Variants in PRKD1 observed in about 807,000 individuals in gnomAD.
PRKD1 encodes protein kinase D1, also known as serine/threonine-protein kinase D1.
Under a neutral mutation model 95.9 loss-of-function variants are expected in PRKD1, and 63 were observed. The ratio of observed to expected loss-of-function variants is 0.66; its 90% CI spans 0.54 to 0.81. PRKD1 has a LOEUF of 0.81. PRKD1 is among the 30% of genes least tolerant of loss of function. The pLI, the probability that PRKD1 is intolerant of heterozygous loss-of-function variation, is 0.00. For synonymous variants in PRKD1, 425 were observed against 423.1 expected (o/e 1.00, Z -0.05); for missense variants, 1,048 against 1,165.3 (o/e 0.90, Z 1.47).
chr14:29,870,607 C>G (rs1893069532), intron 1 of PRKD1, among the ~76,000 whole-genome samples: 1 of 152,140 alleles, frequency 6.6e-6, no homozygotes, highest in African/African-American at 2.4e-5. Context: ...TGTAAAAATT[C>G]CTTTCATTTG....
intron 1 of PRKD1, among the ~76,000 whole-genome samples, chr14:29,815,878 G>C (rs1890665372): frequency 6.6e-6 from 1 of 152,044 alleles, no homozygotes; most frequent in Non-Finnish European, 1.5e-5. Flanking sequence ...AGACATTCTT[G>C]CTACCTTCAA....
intron 2 of PRKD1, among the ~76,000 whole-genome samples, chr14:29,691,835 T>C (rs1884253848): frequency 6.6e-6 from 1 of 152,120 alleles, no homozygotes; most frequent in Non-Finnish European, 1.5e-5. Context: ...CTGCTATTTG[T>C]CGTCACCATA....
chr14:29,580,889 T>C (rs1333667585), intron 16 of PRKD1, among the ~76,000 whole-genome samples: 1 of 152,060 alleles, frequency 6.6e-6, no homozygotes, highest in East Asian at 1.9e-4. Context: ...CAATTACTTA[T>C]GAAATAAAAA....
chr14:29,638,942 G>C (rs1880571489), intron 4 of PRKD1, 38 bp from the exon 5 acceptor site: 1 of 1,491,288 alleles, frequency 6.7e-7, no homozygotes, highest in African/African-American at 1.4e-5. Flanking sequence ...CAAGATGTAA[G>C]AGGCTATTTG....
intron 1 of PRKD1, among the ~76,000 whole-genome samples, chr14:29,850,875 C>T (rs1892281655): frequency 6.9e-6 from 1 of 144,366 alleles, no homozygotes; most frequent in Admixed American, 6.9e-5. Context: ...AGTACTGGCA[C>T]AAAAACAGAC....
At chr14:29,738,033 A>G (rs2139427322) in intron 1 of PRKD1, among the ~76,000 whole-genome samples, 1 of 152,356 alleles carries the variant, frequency 6.6e-6, no homozygotes, top group East Asian at 1.9e-4. Flanking sequence ...AAGCCCACCA[A>G]TAGCATTAAC....
intron 2 of PRKD1, among the ~76,000 whole-genome samples, chr14:29,713,980 C>T (rs1325321087): frequency 6.6e-6 from 1 of 152,044 alleles, no homozygotes; most frequent in African/African-American, 2.4e-5. Context: ...CTATGTAACA[C>T]ACAATTAAAT....
chr14:29,927,542 G>C lies in PRKD1; in HGVS notation c.-30C>G. On this transcript the variant is annotated 5_prime_UTR_variant, in exon 1 of 18. Transcript: ENST00000331968. ...CGGCGGGGCGCAGGGCCGGGCAGCG[G>C]AGGGCGGGGGCTGGCGGCGCGGCAG... 1 of 1,147,186 alleles carries C rather than the reference G, an allele frequency of 8.7e-7. No individual in the cohort carries two copies. Among genetic ancestry groups the C allele is most frequent in the Non-Finnish European group, 1.1e-6 (1 of 934,300 alleles). 71.1% of individuals were successfully genotyped at this position (1,147,186 alleles called of 1,614,324 possible). A position where few individuals can be genotyped will look rare whatever the true frequency, so the allele number is the denominator to read the frequency against.
intron 1 of PRKD1, among the ~76,000 whole-genome samples, chr14:29,830,886 T>C (rs1278335794): frequency 1.3e-5 from 2 of 152,252 alleles, no homozygotes; most frequent in East Asian, 3.9e-4. Context: ...GGTTTCGCCA[T>C]ATTGCCCAGG....
At chr14:29,675,496 T>C (rs1883104096) in intron 2 of PRKD1, among the ~76,000 whole-genome samples, 1 of 152,174 alleles carries the variant, frequency 6.6e-6, no homozygotes, top group Non-Finnish European at 1.5e-5. Context: ...CTAGCTTCTT[T>C]CGGTATAATG....
At chr14:29,766,173 A>T (rs1276573700) in intron 1 of PRKD1, among the ~76,000 whole-genome samples, 1 of 152,178 alleles carries the variant, frequency 6.6e-6, no homozygotes, top group Admixed American at 6.5e-5. Context: ...AAGTTTCATG[A>T]GACTAGTGAG....
intron 4 of PRKD1, among the ~76,000 whole-genome samples, chr14:29,647,334 T>C (rs1488214258): frequency 6.6e-6 from 1 of 152,228 alleles, no homozygotes; most frequent in Non-Finnish European, 1.5e-5. Flanking sequence ...TGATATTTTC[T>C]TAAGTGATCT....
chr14:29,697,450 G>A (rs996003068), intron 2 of PRKD1, among the ~76,000 whole-genome samples: 3 of 152,046 alleles, frequency 2.0e-5, no homozygotes, highest in South Asian at 4.1e-4. Context: ...AATTTCATCC[G>A]AATTACCATT....
At chr14:29,644,659 C>T (rs1454459280) in intron 4 of PRKD1, among the ~76,000 whole-genome samples, 2 of 151,690 alleles carry the variant, frequency 1.3e-5, no homozygotes, top group Non-Finnish European at 2.9e-5. Context: ...AAATGGAGAC[C>T]TTTGAGGTTA....
chr14:29,726,727 T>C (rs1886163622), intron 1 of PRKD1, among the ~76,000 whole-genome samples: 1 of 152,018 alleles, frequency 6.6e-6, no homozygotes, highest in Non-Finnish European at 1.5e-5. Flanking sequence ...TTATTGCTCT[T>C]AGTGCTGATG....
intron 1 of PRKD1, among the ~76,000 whole-genome samples, chr14:29,881,534 C>G (rs1893512215): frequency 6.6e-6 from 1 of 152,068 alleles, no homozygotes; most frequent in Non-Finnish European, 1.5e-5. Context: ...CATCTCTGAC[C>G]CACTCCTTCT....
chr14:29,896,839 G>C (rs1300603727), intron 1 of PRKD1, among the ~76,000 whole-genome samples: 1 of 151,968 alleles, frequency 6.6e-6, no homozygotes, highest in Non-Finnish European at 1.5e-5. Flanking sequence ...ATGTTTAGCA[G>C]AAGAATAGGG....
At chr14:29,582,141 T>G (rs1892775914) in intron 16 of PRKD1, among the ~76,000 whole-genome samples, 1 of 152,210 alleles carries the variant, frequency 6.6e-6, no homozygotes, top group African/African-American at 2.4e-5. Context: ...ATAATACATT[T>G]TAAGTAAATT....
chr14:29,699,676 CTTAATA>C (rs1305540189), intron 2 of PRKD1, among the ~76,000 whole-genome samples: 9 of 151,992 alleles, frequency 5.9e-5, no homozygotes, highest in Non-Finnish European at 7.4e-5. Flanking sequence ...AATGATTTCC[CTTAATA>C]TTTTAGAGTT....
Sources: allele counts gnomAD v4.1 joint callset (sites outside exome capture counted in the v4.1 genomes callset), GRCh38; gene constraint gnomAD v4.1.1; transcripts MANE v1.5; gene names NCBI Gene and HGNC (gene_info 2026-07-23, HGNC 2026-07-21).